L3MBTL3: variants seen among roughly 807,000 people sequenced by gnomAD.
L3MBTL3 encodes the protein lethal(3)malignant brain tumor-like protein 3.
L3MBTL3 carries 27 observed loss-of-function variants against 102.3 expected under a neutral mutation model. That is an observed-to-expected ratio of 0.26 (90% confidence interval 0.19 to 0.36). The LOEUF (loss-of-function observed/expected upper bound fraction) is 0.36, where lower values mean the gene tolerates loss of function less well. L3MBTL3 is among the 10% of genes least tolerant of loss of function. The pLI, the probability that L3MBTL3 is intolerant of heterozygous loss-of-function variation, is 1.00. For synonymous variants in L3MBTL3, 340 were observed against 320.9 expected (o/e 1.06, Z -0.64); for missense variants, 798 against 955.3 (o/e 0.84, Z 2.17).
At chr6:130,096,181 A>G (rs578252307) in intron 18 of L3MBTL3, among the ~76,000 whole-genome samples, 1 of 152,254 alleles carries the variant, frequency 6.6e-6, no homozygotes, top group African/African-American at 2.4e-5. Context: ...TTACTTCCCA[A>G]CTGGGGAGAA....
At chr6:130,125,904 G>A (rs974309928) in intron 20 of L3MBTL3, among the ~76,000 whole-genome samples, 2 of 151,566 alleles carry the variant, frequency 1.3e-5, no homozygotes, top group Non-Finnish European at 2.9e-5. Context: ...AGACACGCAT[G>A]CACACACACA....
chr6:130,027,976 C>A (rs866735602), intron 2 of L3MBTL3, among the ~76,000 whole-genome samples: 2 of 151,494 alleles, frequency 1.3e-5, no homozygotes, highest in Middle Eastern at 6.4e-3. Context: ...ATAGTCTGCA[C>A]GTTGAACATG....
At chr6:130,104,341 G>T in intron 18 of L3MBTL3, 85 bp from the exon 19 acceptor site, 1 of 956,906 alleles carries the variant, frequency 1.0e-6, no homozygotes, top group South Asian at 2.8e-5. Context: ...TTTATATTCT[G>T]TATCCTGTCA....
chr6:130,134,008 G>A, intron 22 of L3MBTL3, 103 bp downstream of exon 22: 2 of 885,980 alleles, frequency 2.3e-6, no homozygotes, highest in African/African-American at 3.3e-5. Context: ...AAAAGAGATG[G>A]GGTGTGTTGA....
chr6:130,134,861 A>T (rs919089039), intron 22 of L3MBTL3, among the ~76,000 whole-genome samples: 8 of 152,210 alleles, frequency 5.3e-5, no homozygotes, highest in African/African-American at 1.9e-4. Flanking sequence ...CAGTGTTGTT[A>T]TACTGTTAGG....
At chr6:130,075,298 T>C (rs1782879636) in intron 13 of L3MBTL3, among the ~76,000 whole-genome samples, 1 of 152,170 alleles carries the variant, frequency 6.6e-6, no homozygotes, top group South Asian at 2.1e-4. Flanking sequence ...ACTGGAGGGC[T>C]CTTGGGGAGG....
Position 130,042,789 on chromosome 6 carries a change from A to G in L3MBTL3, c.90A>G (p.Gly30=). 5 of 1,609,140 alleles carry G rather than the reference A, an allele frequency of 3.1e-6. No individual in the cohort carries two copies. The highest frequency in any genetic ancestry group is 4.3e-6 in the Non-Finnish European group (5 of 1,175,576). Residue 30 remains glycine (G), a synonymous_variant, in exon 3 of 23, where the codon GGA becomes GGG. Transcript: ENST00000361794. ...AAGATGGAGTGGGCACGTTACCAGG[A>G]AGTGACTTAAAGGTAAACCCTCTTT... ...DWKDGVGTLP[G]SDLKFRVNEF... is the part of the protein sequence containing the mutation.
intron 3 of L3MBTL3, among the ~76,000 whole-genome samples, chr6:130,043,648 G>A (rs1344050091): frequency 6.6e-6 from 1 of 152,116 alleles, no homozygotes; most frequent in Non-Finnish European, 1.5e-5. Context: ...CCATTGCTGG[G>A]CTTACCTCTC....
At position 130,139,668 on chromosome 6, in the gene L3MBTL3, G is replaced by A; in HGVS notation, c.2258G>A (p.Ser753Asn). 6.2e-7 allele frequency: 1 copy of A among 1,612,022 alleles called. No homozygotes were observed. The highest frequency in any genetic ancestry group is 8.5e-7 in the Non-Finnish European group (1 of 1,178,334). The change falls in exon 23 of 23, where the codon AGC becomes AAC. Residue 753 changes from serine (S) to asparagine (N), a missense_variant. Ser to Asn is a conservative substitution (Grantham distance 46). Transcript: ENST00000361794. The part of the protein sequence containing the change: ...MTQTDIVKIM[S>N]IKLGPALKIF... ...CAAACAGACATTGTTAAAATTATGA[G>A]CATTAAACTGGGCCCTGCTCTCAAA...
chr6:130,063,986 C>T (rs1319886174), intron 10 of L3MBTL3, among the ~76,000 whole-genome samples: 8 of 152,088 alleles, frequency 5.3e-5, no homozygotes, highest in Admixed American at 3.9e-4. Flanking sequence ...ACGAACACTG[C>T]GAGTATTATT....
intron 18 of L3MBTL3, among the ~76,000 whole-genome samples, chr6:130,099,457 GT>G (rs1784557065): frequency 6.6e-6 from 1 of 152,124 alleles, no homozygotes; most frequent in Non-Finnish European, 1.5e-5. Context: ...GCACTGGTGA[GT>G]TTTTTAAAGT....
intron 2 of L3MBTL3, among the ~76,000 whole-genome samples, chr6:130,037,833 T>C (rs1780156150): frequency 6.6e-6 from 1 of 152,170 alleles, no homozygotes; most frequent in Admixed American, 6.5e-5. Context: ...TAAATTATTT[T>C]TAACTATATT....
chr6:130,118,724 T>C (rs550064888), intron 19 of L3MBTL3, among the ~76,000 whole-genome samples: 1 of 152,242 alleles, frequency 6.6e-6, no homozygotes, highest in Non-Finnish European at 1.5e-5. Context: ...TGAAGTGTCA[T>C]GAGTTAAAAC....
chr6:130,092,191 G>A (rs570793184), intron 16 of L3MBTL3, among the ~76,000 whole-genome samples: 1 of 152,178 alleles, frequency 6.6e-6, no homozygotes, highest in East Asian at 1.9e-4. Context: ...GTAGTTATTT[G>A]CAAGGAAAAA....
At chr6:130,048,516 G>C (rs1482275988) in intron 3 of L3MBTL3, among the ~76,000 whole-genome samples, 2 of 152,120 alleles carry the variant, frequency 1.3e-5, no homozygotes, top group African/African-American at 2.4e-5. Context: ...TTTGAAGTGT[G>C]CTGTCAGGTG....
At chr6:130,018,770 T>C (rs930451703) in intron 1 of L3MBTL3, 106 bp downstream of exon 1, 1 of 152,372 alleles carries the variant, frequency 6.6e-6, no homozygotes. Flanking sequence ...AAGAGCCCTA[T>C]AGAGGGAAGG....
intron 12 of L3MBTL3, among the ~76,000 whole-genome samples, chr6:130,070,245 A>G (rs1252750946): frequency 6.6e-6 from 1 of 152,192 alleles, no homozygotes; most frequent in African/African-American, 2.4e-5. Context: ...CTCACAAAAG[A>G]TTGTAAGAGA....
At chr6:130,095,276 A>G (rs1304508494) in intron 18 of L3MBTL3, among the ~76,000 whole-genome samples, 2 of 152,172 alleles carry the variant, frequency 1.3e-5, no homozygotes, top group East Asian at 3.8e-4. Flanking sequence ...TGTTCCTCCA[A>G]GTATTAATAG....
chr6:130,123,005 GATA>G (rs778347254), intron 20 of L3MBTL3, among the ~76,000 whole-genome samples: 1 of 152,200 alleles, frequency 6.6e-6, no homozygotes, highest in African/African-American at 2.4e-5. Flanking sequence ...CAGATAGATT[GATA>G]ATAAAATCTT....
Sources: gnomAD v4.1 joint callset for allele counts (sites outside exome capture counted in the v4.1 genomes callset) on GRCh38, gnomAD v4.1.1 for gene constraint, MANE v1.5 for transcripts, NCBI Gene and HGNC (gene_info 2026-07-23, HGNC 2026-07-21) for gene names.